Variants in FBXL7 observed in about 807,000 individuals in gnomAD.
The protein encoded by FBXL7 is F-box and leucine rich repeat protein 7, also known as F-box/LRR-repeat protein 7.
FBXL7 carries 12 observed loss-of-function variants against 38.3 expected under a neutral mutation model. The observed-to-expected ratio is 0.31, with a 90% CI of 0.20 to 0.51. FBXL7 has a LOEUF of 0.51. Ranked by LOEUF, FBXL7 falls within the 20% of genes least tolerant of loss-of-function variation. The pLI is 0.98. For synonymous variants in FBXL7, 297 were observed against 300.9 expected, an observed-to-expected ratio of 0.99 and a Z score of 0.13; for missense variants, 567 against 676.4, an observed-to-expected ratio of 0.84 and a Z score of 1.79.
chr5:15,634,945 A>C (rs1440336680), intron 2 of FBXL7, among the ~76,000 whole-genome samples: 1 of 152,096 alleles, frequency 6.6e-6, no homozygotes, highest in Non-Finnish European at 1.5e-5. Flanking sequence ...TAATCTCACC[A>C]TCTCATGATC....
intron 2 of FBXL7, among the ~76,000 whole-genome samples, chr5:15,646,559 A>C (rs146321263): frequency 1.3e-5 from 2 of 152,352 alleles, no homozygotes; most frequent in Middle Eastern, 3.4e-3. Context: ...GAAATTAGAC[A>C]TTCTCTTTGG....
chr5:15,724,750 G>A (rs541971607), intron 2 of FBXL7, among the ~76,000 whole-genome samples: 15 of 152,186 alleles, frequency 9.9e-5, no homozygotes, highest in East Asian at 1.9e-4. Flanking sequence ...GCTATTTACC[G>A]TAACTTTAGC....
At chr5:15,736,984 A>T (rs1735774622) in intron 2 of FBXL7, among the ~76,000 whole-genome samples, 1 of 152,150 alleles carries the variant, frequency 6.6e-6, no homozygotes, top group Non-Finnish European at 1.5e-5. Context: ...TATAACACCT[A>T]TAACAACTCA....
intron 2 of FBXL7, among the ~76,000 whole-genome samples, chr5:15,885,348 A>T (rs1458547054): frequency 1.3e-5 from 2 of 152,206 alleles, no homozygotes; most frequent in Non-Finnish European, 1.5e-5. Flanking sequence ...GGAAGTAGTC[A>T]TCTTTCATAA....
At chr5:15,541,225 A>G (rs989647229) in intron 1 of FBXL7, among the ~76,000 whole-genome samples, 2 of 151,484 alleles carry the variant, frequency 1.3e-5, no homozygotes, top group East Asian at 3.9e-4. Context: ...CATCACAAGT[A>G]TCCCATCCAG....
intron 1 of FBXL7, among the ~76,000 whole-genome samples, chr5:15,566,400 C>T (rs1342100818): frequency 1.3e-5 from 2 of 152,022 alleles, no homozygotes; most frequent in African/African-American, 4.8e-5. Context: ...TTAGGCAAAC[C>T]AACTTAAGAA....
At chr5:15,590,455 A>G (rs1739436433) in intron 1 of FBXL7, among the ~76,000 whole-genome samples, 1 of 151,902 alleles carries the variant, frequency 6.6e-6, no homozygotes, top group South Asian at 2.1e-4. Flanking sequence ...CTCTGGATAG[A>G]GTTCAAGTTC....
intron 2 of FBXL7, among the ~76,000 whole-genome samples, chr5:15,621,271 T>A (rs941824889): frequency 6.6e-6 from 1 of 152,216 alleles, no homozygotes; most frequent in Non-Finnish European, 1.5e-5. Flanking sequence ...AAGTTTCTAA[T>A]TTCCTGACAC....
intron 1 of FBXL7, among the ~76,000 whole-genome samples, chr5:15,523,520 C>G (rs996839518): frequency 5.4e-4 from 82 of 151,808 alleles, no homozygotes; most frequent in African/African-American, 1.9e-3. Context: ...GATTGCACCA[C>G]TGCGCTCCAG....
intron 2 of FBXL7, among the ~76,000 whole-genome samples, chr5:15,853,946 A>G (rs759645527): frequency 1.3e-4 from 20 of 152,180 alleles, no homozygotes; most frequent in Middle Eastern, 3.2e-3. Flanking sequence ...GATCTTTGCA[A>G]GTCTCTTAAT....
intron 2 of FBXL7, among the ~76,000 whole-genome samples, chr5:15,757,925 G>A (rs551631621): frequency 1.5e-4 from 23 of 152,096 alleles, no homozygotes; most frequent in South Asian, 4.2e-4. Flanking sequence ...TCCTATTTTC[G>A]TTTACAGATG....
intron 1 of FBXL7, among the ~76,000 whole-genome samples, chr5:15,529,848 G>A (rs760304455): frequency 1.3e-5 from 2 of 151,928 alleles, no homozygotes; most frequent in Non-Finnish European, 2.9e-5. Flanking sequence ...ATATACTCTC[G>A]TTGCCTACAA....
intron 2 of FBXL7, among the ~76,000 whole-genome samples, chr5:15,903,531 A>G (rs1741282520): frequency 2.6e-5 from 4 of 152,258 alleles, no homozygotes; most frequent in Admixed American, 2.0e-4. Flanking sequence ...GACATTTTTT[A>G]TGCTTTTAGT....
chr5:15,644,440 A>T (rs1289858485), intron 2 of FBXL7, among the ~76,000 whole-genome samples: 1 of 151,798 alleles, frequency 6.6e-6, no homozygotes, highest in Non-Finnish European at 1.5e-5. Context: ...GCGTCACTGC[A>T]CTCCAGCCTG....
At chr5:15,858,427 T>A (rs1421455183) in intron 2 of FBXL7, among the ~76,000 whole-genome samples, 1 of 152,014 alleles carries the variant, frequency 6.6e-6, no homozygotes, top group African/African-American at 2.4e-5. Flanking sequence ...GAAAAAAAGG[T>A]TTTCAGAAGA....
chr5:15,889,465 G>A (rs1161265693), intron 2 of FBXL7, among the ~76,000 whole-genome samples: 1 of 152,210 alleles, frequency 6.6e-6, no homozygotes, highest in Non-Finnish European at 1.5e-5. Flanking sequence ...GAATGCAAGA[G>A]GAACTGTAGT....
At chr5:15,653,119 A>G in intron 2 of FBXL7, among the ~76,000 whole-genome samples, 1 of 152,242 alleles carries the variant, frequency 6.6e-6, no homozygotes, top group Non-Finnish European at 1.5e-5. Flanking sequence ...AACAATTACA[A>G]TAGTAACATC....
intron 2 of FBXL7, among the ~76,000 whole-genome samples, chr5:15,631,146 G>A (rs188375687): frequency 6.6e-6 from 1 of 152,240 alleles, no homozygotes; most frequent in Admixed American, 6.5e-5. Flanking sequence ...GGGTTTTAAT[G>A]TTGAAACTTA....
chr5:15,848,234 G>A (rs939859939), intron 2 of FBXL7, among the ~76,000 whole-genome samples: 2 of 151,900 alleles, frequency 1.3e-5, no homozygotes, highest in East Asian at 3.9e-4. Flanking sequence ...TTCTTTCTGT[G>A]ATAATTTGGA....
Sources: gnomAD v4.1 joint callset for allele counts (sites outside exome capture counted in the v4.1 genomes callset) on GRCh38, gnomAD v4.1.1 for gene constraint, MANE v1.5 for transcripts, NCBI Gene and HGNC (gene_info 2026-07-23, HGNC 2026-07-21) for gene names.